ZNF106: variants seen among roughly 807,000 people sequenced by gnomAD.
ZNF106 encodes the protein zinc finger protein 106, also known as SH3-domain binding protein 3.
A neutral mutation model predicts 195.1 loss-of-function variants in ZNF106; 67 were observed. The observed-to-expected ratio is 0.34, with a 90% CI of 0.28 to 0.42. ZNF106 has a LOEUF of 0.42. Ranked by LOEUF, ZNF106 falls within the 10% of genes least tolerant of loss-of-function variation. The probability of loss-of-function intolerance (pLI) is 1.00; values close to 1 mark genes in which losing one functional copy is unlikely to be tolerated. For synonymous variants in ZNF106, 784 were observed against 818.6 expected (o/e 0.96, Z 0.72); for missense variants, 2,118 against 2,304.5 (o/e 0.92, Z 1.66).
intron 8 of ZNF106, among the ~76,000 whole-genome samples, chr15:42,444,472 CA>C (rs1193156795): frequency 6.6e-6 from 1 of 152,124 alleles, no homozygotes; most frequent in East Asian, 1.9e-4. Context: ...GGTTGTTGCC[CA>C]AAACACTGAA....
chr15:42,417,188 TA>T lies in ZNF106; in HGVS notation c.*115del. 1 of 1,101,146 alleles carries T rather than the reference TA, an allele frequency of 9.1e-7. No individual in the cohort carries two copies. The highest frequency in any genetic ancestry group is 1.4e-5 in the South Asian group (1 of 71,908). 68.2% of individuals were successfully genotyped at this position (1,101,146 alleles called of 1,614,324 possible). A position where few individuals can be genotyped will look rare whatever the true frequency, so the allele number is the denominator to read the frequency against. On this transcript the variant is annotated 3_prime_UTR_variant, in exon 22 of 22. Coordinates refer to ENST00000564754, the MANE Select transcript of ZNF106 (RefSeq NM_001366845.3). ...GACTTATGCTAGGGGTATGCCTGGC[TA>T]GTAACCACTTTCTCCTTCCTTACTT...
In ZNF106 at chr15:42,444,809, T is replaced by A; in HGVS notation, c.3360+18A>T. ...TCGGAGATGATCCATTTTTATTAAA[T>A]CCTCCACATGCTGTTACCTGCTGCT... On this transcript the variant is annotated intron_variant, in intron 8 of 21. Transcript: ENST00000564754. 4 of 1,611,494 alleles carry A rather than the reference T, an allele frequency of 2.5e-6. No homozygotes were observed. Among genetic ancestry groups the A allele is most frequent in the Non-Finnish European group, 3.4e-6 (4 of 1,179,030 alleles).
chr15:42,479,039 C>A (rs1228146060), intron 1 of ZNF106, among the ~76,000 whole-genome samples: 4 of 152,178 alleles, frequency 2.6e-5, no homozygotes, highest in African/African-American at 9.7e-5. Flanking sequence ...ACTGAATTTA[C>A]AAATACTTGT....
intron 4 of ZNF106, among the ~76,000 whole-genome samples, chr15:42,456,725 T>G (rs543513147): frequency 3.9e-5 from 6 of 152,228 alleles, no homozygotes; most frequent in African/African-American, 1.4e-4. Context: ...GGCAAAAATT[T>G]CAGATATGTA....
At chr15:42,432,707 TAA>T (rs36106729) in intron 14 of ZNF106, among the ~76,000 whole-genome samples, 26,202 of 123,792 alleles carry the variant, frequency 0.21, 2,764 homozygotes, top group African/African-American at 0.3. Flanking sequence ...ACCGTATTTC[TAA>T]AAAAAAAAAA....
chr15:42,426,410 AAG>A (rs1438033463), intron 15 of ZNF106, among the ~76,000 whole-genome samples: 1 of 151,464 alleles, frequency 6.6e-6, no homozygotes, highest in African/African-American at 2.4e-5. Context: ...AAAAAAAAAA[AAG>A]AGAGAGAGAC....
chr15:42,473,001 A>G (rs2056710166), intron 1 of ZNF106, among the ~76,000 whole-genome samples: 2 of 150,426 alleles, frequency 1.3e-5, no homozygotes, highest in Non-Finnish European at 2.9e-5. Flanking sequence ...GCAAGACTCC[A>G]ACTTTGAAAA....
rs577756573 is a variant in ZNF106 at position 42,455,164 on chromosome 15, A to C, written c.317+1794T>G. ...GTCATTTGAAGGACTAAGCTACTAA[A>C]TGATTTAAGAACCATGTGGTTTGAG... On this transcript the variant is annotated intron_variant, in intron 4 of 21. Coordinates refer to ENST00000564754, the MANE Select transcript of ZNF106 (RefSeq NM_001366845.3). 5.3e-5 allele frequency among the ~76,000 whole-genome samples: 8 copies of C among 152,348 alleles called. No individual in the cohort carries two copies. In the South Asian group the frequency reaches 1.7e-3, roughly 32 times the overall value.
At position 42,428,047 on chromosome 15, in the gene ZNF106, T is replaced by A. The variant is rs770250998; in HGVS notation, c.4969A>T (p.Asn1657Tyr). ...RWRILYAGLA[N>Y]GTVVTFNIKN... Reference sequence around the variant, plus strand: ...ATGTTGAAGGTGACCACAGTGCCATTTGCCAGTCCCGCATAGAGGATTCGC... The same window carrying A: ...ATGTTGAAGGTGACCACAGTGCCATATGCCAGTCCCGCATAGAGGATTCGC... Residue 1657 changes from asparagine to tyrosine, a missense_variant, in exon 15 of 22, where the codon AAT becomes TAT. By Grantham distance (143) the Asn-to-Tyr change is moderately radical. Transcript: ENST00000564754. The A allele has an allele frequency of 9.9e-6, 16 of 1,613,992 alleles. No individual in the cohort carries two copies. The highest frequency in any genetic ancestry group is 1.4e-5 in the Non-Finnish European group (16 of 1,179,976).
chr15:42,417,151 T>C lies in ZNF106; in HGVS notation c.*153A>G, dbSNP rs984878371. The C allele has an allele frequency of 2.5e-5, 17 of 691,072 alleles. No individual in the cohort carries two copies. The highest frequency in any genetic ancestry group is 1.4e-4 in the East Asian group (5 of 36,422). The allele number at this position is 691,072 out of a possible 1,614,324, so 42.8% of individuals were successfully genotyped here. Reference sequence around the variant, plus strand: ...CTTAAAAGTGTAATTTATCATCCCATAGAGCTGCCCAGACTTATGCTAGGG... The same window carrying C: ...CTTAAAAGTGTAATTTATCATCCCACAGAGCTGCCCAGACTTATGCTAGGG... On this transcript the variant is annotated 3_prime_UTR_variant, in exon 22 of 22. Coordinates refer to ENST00000564754, the MANE Select transcript of ZNF106 (RefSeq NM_001366845.3).
chr15:42,444,438 C>T (rs1191848257), intron 8 of ZNF106, among the ~76,000 whole-genome samples, 176 bp from the exon 9 acceptor site: 1 of 152,166 alleles, frequency 6.6e-6, no homozygotes, highest in African/African-American at 2.4e-5. Context: ...CTTGAAGATT[C>T]CCAGGCACTG....
rs527482153 is a variant in ZNF106 at position 42,453,784 on chromosome 15, C to T, written c.318-1830G>A. On this transcript the variant is annotated intron_variant, in intron 4 of 21. Coordinates refer to ENST00000564754, the MANE Select transcript of ZNF106 (RefSeq NM_001366845.3). ...CTAATTTTTGTATTTTTAGTAGAGA[C>T]GGGGTTCCACCATGTTGGCCAGGCT... 4.6e-5 allele frequency among the ~76,000 whole-genome samples: 7 copies of T among 152,086 alleles called. No homozygotes were observed. In the South Asian group the frequency reaches 1.2e-3, roughly 27 times the overall value.
chr15:42,445,559 C>T (rs2055742299), intron 7 of ZNF106, among the ~76,000 whole-genome samples: 2 of 152,200 alleles, frequency 1.3e-5, no homozygotes, highest in Non-Finnish European at 2.9e-5. Flanking sequence ...CAGGACCTCT[C>T]CCTTAAGCTC....
intron 20 of ZNF106, among the ~76,000 whole-genome samples, chr15:42,418,301 C>T (rs1206238288): frequency 8.6e-5 from 13 of 150,524 alleles, no homozygotes; most frequent in Non-Finnish European, 1.6e-4. Context: ...AATTGAGTTT[C>T]TATCTTAGTT....
At chr15:42,446,511 A>T in intron 7 of ZNF106, 78 bp downstream of exon 7, 1 of 1,084,926 alleles carries the variant, frequency 9.2e-7, no homozygotes, top group Non-Finnish European at 1.4e-6. Context: ...CAAGAGTTGG[A>T]GGTTACCAAA....
chr15:42,465,621 T>C (rs1167945714), intron 3 of ZNF106, among the ~76,000 whole-genome samples: 2 of 152,238 alleles, frequency 1.3e-5, no homozygotes, highest in Admixed American at 1.3e-4. Flanking sequence ...ATTCTGTTTA[T>C]ACCAATGAGA....
chr15:42,465,961 T>A (rs2244773), intron 3 of ZNF106, 92 bp downstream of exon 3: 989,856 of 1,002,018 alleles, frequency 0.99, 489,326 homozygotes, highest in Non-Finnish European at 1. Context: ...ACATTTGCTT[T>A]TGACGGATTA....
Position 42,466,096 on chromosome 15 carries a change from G to T in ZNF106, c.73C>A (p.Arg25=). The T allele has an allele frequency of 6.5e-7, 1 of 1,532,656 alleles. No individual in the cohort carries two copies. Among genetic ancestry groups the T allele is most frequent in the Non-Finnish European group, 8.7e-7 (1 of 1,145,366 alleles). 94.9% of individuals were successfully genotyped at this position (1,532,656 alleles called of 1,614,324 possible). ...SSKKEMDEHM[R]SMLHHRELEN... ...AGTTCCCTGTGATGCAACATGCTCC[G>T]CATGTGTTCGTCCATCTCCTTCAAA... The change falls in exon 3 of 22, where the codon CGG becomes AGG. Residue 25 remains arginine, a synonymous_variant. Transcript: ENST00000564754.
At chr15:42,479,372 C>CA (rs35057599) in intron 1 of ZNF106, among the ~76,000 whole-genome samples, 15 of 150,280 alleles carry the variant, frequency 1.0e-4, no homozygotes, top group East Asian at 2.0e-4. Context: ...GAAACTGTCT[C>CA]AAAAAAAAAT....
Sources: gnomAD v4.1 joint callset for allele counts (sites outside exome capture counted in the v4.1 genomes callset) on GRCh38, gnomAD v4.1.1 for gene constraint, MANE v1.5 for transcripts, NCBI Gene and HGNC (gene_info 2026-07-23, HGNC 2026-07-21) for gene names.